STK11: variants seen among roughly 807,000 people sequenced by gnomAD.
STK11 encodes serine/threonine-protein kinase STK11.
In STK11, 8 loss-of-function variants were observed where a neutral mutation model predicts 47.3. The ratio of observed to expected loss-of-function variants is 0.17; its 90% CI spans 0.10 to 0.31. The LOEUF (loss-of-function observed/expected upper bound fraction) is 0.31. STK11 is among the 10% of genes least tolerant of loss of function. STK11 has a pLI of 1.00. For missense variants in STK11, 475 were observed against 605.0 expected (o/e 0.79, Z 2.25); for synonymous variants, 330 against 255.8 (o/e 1.29, Z -2.77).
At chr19:1,219,025 TG>T (rs957647136) in intron 2 of STK11, among the ~76,000 whole-genome samples, 26 of 151,980 alleles carry the variant, frequency 1.7e-4, no homozygotes, top group African/African-American at 6.0e-4. Flanking sequence ...CGAGCCTGCT[TG>T]GGGGGGCGTC....
At chr19:1,226,330 C>A in intron 8 of STK11, 124 bp from the exon 9 acceptor site, 1 of 1,494,060 alleles carries the variant, frequency 6.7e-7, no homozygotes. Context: ...CTGGGCCTGA[C>A]CCGGGGGCGG....
At chr19:1,224,887 T>C (rs760114206) in intron 8 of STK11, 167 of 985,570 alleles carry the variant, frequency 1.7e-4, no homozygotes, top group Middle Eastern at 5.2e-4. Context: ...CAGGCTCAAC[T>C]TCAGGCTTCA....
chr19:1,221,315 C>T lies in STK11; in HGVS notation c.837C>T (p.Gly279=), dbSNP rs373021819. 3 of 1,609,736 alleles carry T rather than the reference C, an allele frequency of 1.9e-6. No individual in the cohort carries two copies. The highest frequency in any genetic ancestry group is 4.5e-5 in the East Asian group (2 of 44,802). The change falls in exon 6 of 10, where the codon GGC becomes GGT. Residue 279 remains glycine (G), a synonymous_variant. Coordinates refer to ENST00000326873, the MANE Select transcript of STK11 (RefSeq NM_000455.5). The stretch of plus-strand genomic sequence containing the variant: ...GCTACGCCATCCCGGGCGACTGTGG[C>T]CCCCCGCTCTCTGACCTGCTGAAAG... ...KGSYAIPGDC[G]PPLSDLLKGM... is the part of the protein sequence containing the mutation.
At chr19:1,218,830 C>T (rs145534610) in intron 2 of STK11, among the ~76,000 whole-genome samples, 33 of 152,270 alleles carry the variant, frequency 2.2e-4, no homozygotes, top group South Asian at 1.0e-3. Flanking sequence ...CCATTTTGGT[C>T]GTGGCTGGGC....
chr19:1,220,673 C>G lies in STK11; in HGVS notation c.690C>G (p.Thr230=). The change falls in exon 5 of 10, where the codon ACC becomes ACG. Residue 230 remains threonine, a synonymous_variant. Coordinates refer to ENST00000326873, the MANE Select transcript of STK11 (RefSeq NM_000455.5). ...QPPEIANGLD[T]FSGFKVDIWS... ...CCGAGATTGCCAACGGCCTGGACAC[C>G]TTCTCCGGCTTCAAGGTGGACATCT... 1 of 1,610,964 alleles carries G rather than the reference C, an allele frequency of 6.2e-7. No individual in the cohort carries two copies. Among genetic ancestry groups the G allele is most frequent in the Non-Finnish European group, 8.5e-7 (1 of 1,179,178 alleles).
intron 8 of STK11, chr19:1,226,028 G>A (rs1028572366): frequency 4.2e-5 from 43 of 1,013,616 alleles, no homozygotes; most frequent in East Asian, 1.0e-4. Flanking sequence ...AGCCTGGCCC[G>A]AGCCTGGCCC....
chr19:1,215,639 G>C (rs2080739929), intron 1 of STK11, among the ~76,000 whole-genome samples: 1 of 152,246 alleles, frequency 6.6e-6, no homozygotes, highest in Non-Finnish European at 1.5e-5. Flanking sequence ...ATGAGCCCTG[G>C]GACTGGTGCA....
rs1286926215 is a variant in STK11 at position 1,228,136 on chromosome 19, G to C, written c.*560G>C. On this transcript the variant is annotated 3_prime_UTR_variant, in exon 10 of 10. Transcript: ENST00000326873. ...GGTGTTTGGGAGCTGCTGGGTGGCA[G>C]GGGGGCTGTGGGGTCGGGCTCACGT... The C allele has an allele frequency of 1.8e-5, 19 of 1,064,788 alleles. No individual in the cohort carries two copies. In the Admixed American group the frequency reaches 9.1e-4, roughly 51 times the overall value. 66.0% of individuals were successfully genotyped at this position (1,064,788 alleles called of 1,614,324 possible).
chr19:1,212,335 G>A (rs974089214), intron 1 of STK11, among the ~76,000 whole-genome samples: 2 of 138,660 alleles, frequency 1.4e-5, no homozygotes, highest in Admixed American at 7.8e-5. Flanking sequence ...CGAGGCTGGA[G>A]TGCAGTGGCG....
chr19:1,208,055 C>T (rs2080680869), intron 1 of STK11, among the ~76,000 whole-genome samples: 1 of 152,172 alleles, frequency 6.6e-6, no homozygotes, highest in African/African-American at 2.4e-5. Context: ...CTGCCCAGGC[C>T]CTGCTCCTTT....
rs1316364806 is a variant in STK11 at position 1,227,862 on chromosome 19, T to C, written c.*286T>C. The C allele has an allele frequency of 1.9e-6, 2 of 1,069,482 alleles. No homozygotes were observed. The highest frequency in any genetic ancestry group is 1.6e-5 in the African/African-American group (1 of 60,984). The allele number at this position is 1,069,482 out of a possible 1,614,324, so 66.2% of individuals were successfully genotyped here. On this transcript the variant is annotated 3_prime_UTR_variant, in exon 10 of 10. Coordinates refer to ENST00000326873, the MANE Select transcript of STK11 (RefSeq NM_000455.5). ...CGTGGGAGGAGGGAGGCGGCCTCCATGCACTTTATGTGGAGACTACTGGCC... is the reference window on the plus strand; with the variant it reads ...CGTGGGAGGAGGGAGGCGGCCTCCACGCACTTTATGTGGAGACTACTGGCC...
intron 1 of STK11, among the ~76,000 whole-genome samples, chr19:1,216,839 A>G (rs1203264645): frequency 3.3e-5 from 5 of 151,636 alleles, no homozygotes; most frequent in African/African-American, 1.2e-4. Flanking sequence ...TGTCTCAAAA[A>G]AAAAAAAAAA....
At chr19:1,225,685 G>T in intron 8 of STK11, 2 of 985,614 alleles carry the variant, frequency 2.0e-6, no homozygotes, top group South Asian at 4.7e-5. Flanking sequence ...TCTGCACTGG[G>T]CACATGAGCT....
rs1232018113 is a variant in STK11 at position 1,206,537 on chromosome 19, C to G, written c.-377C>G. The G allele has an allele frequency of 3.1e-6, 1 of 318,042 alleles. No individual in the cohort carries two copies. Among genetic ancestry groups the G allele is most frequent in the African/African-American group, 2.1e-5 (1 of 47,442 alleles). The allele number at this position is 318,042 out of a possible 1,614,324, so 19.7% of individuals were successfully genotyped here. ...TACTTGTCCGTGGGCCTGAGGTCCC[C>G]GGAGGATGACCTAGCACTGAAAAGC... On this transcript the variant is annotated 5_prime_UTR_variant, in exon 1 of 10. Coordinates refer to ENST00000326873, the MANE Select transcript of STK11 (RefSeq NM_000455.5).
In STK11 at chr19:1,227,889, C is replaced by T. The variant is rs759351935; in HGVS notation, c.*313C>T. The T allele has an allele frequency of 5.0e-5, 53 of 1,069,400 alleles. No homozygotes were observed. Among genetic ancestry groups the T allele is most frequent in the East Asian group, 2.4e-4 (5 of 20,664 alleles). 66.2% of individuals were successfully genotyped at this position (1,069,400 alleles called of 1,614,324 possible). A position where few individuals can be genotyped will look rare whatever the true frequency, so the allele number is the denominator to read the frequency against. ...CACTTTATGTGGAGACTACTGGCCC[C>T]GCCCGTGGCCTCGTGCTCCGCAGGG... On this transcript the variant is annotated 3_prime_UTR_variant, in exon 10 of 10. Coordinates refer to ENST00000326873, the MANE Select transcript of STK11 (RefSeq NM_000455.5).
chr19:1,216,540 A>G lies in STK11; in HGVS notation c.291-1877A>G, dbSNP rs1386220228. ...GGTTGCAGTGAGCTGAGATCATGCC[A>G]TTGCACTCTGGCCTGGCGACAGAGT... On this transcript the variant is annotated intron_variant, in intron 1 of 9. Coordinates refer to ENST00000326873, the MANE Select transcript of STK11 (RefSeq NM_000455.5). 4 of 150,620 alleles carry G rather than the reference A, an allele frequency of 2.7e-5. No individual in the cohort carries two copies. In the East Asian group the frequency reaches 7.6e-4, roughly 29 times the overall value. The allele number at this position is 150,620 out of a possible 1,614,324, so 9.3% of individuals were successfully genotyped here.
chr19:1,219,736 G>A (rs1023341614), intron 3 of STK11, among the ~76,000 whole-genome samples: 4 of 151,986 alleles, frequency 2.6e-5, no homozygotes, highest in Admixed American at 6.5e-5. Context: ...TAGTAGAGAC[G>A]GGGTTTCACC....
chr19:1,207,217 G>T lies in STK11; in HGVS notation c.290+14G>T. ...CAACGTGAAGAAGTAAGTATGGCTT[G>T]CTGGGGTCGGGGCCGGGCCGGGCCA... is the stretch of plus-strand genomic sequence containing the variant. On this transcript the variant is annotated intron_variant, in intron 1 of 9. Transcript: ENST00000326873. 6.3e-7 allele frequency: 1 copy of T among 1,588,096 alleles called. No individual in the cohort carries two copies. Among genetic ancestry groups the T allele is most frequent in the Non-Finnish European group, 8.6e-7 (1 of 1,167,460 alleles).
At chr19:1,227,386 T>G in intron 9 of STK11, 2 of 352,656 alleles carry the variant, frequency 5.7e-6, no homozygotes, top group Non-Finnish European at 8.5e-6. Flanking sequence ...TCCACCAGCG[T>G]CAGAGCCCGC....
Sources: gnomAD v4.1 joint callset for allele counts (sites outside exome capture counted in the v4.1 genomes callset) on GRCh38, gnomAD v4.1.1 for gene constraint, MANE v1.5 for transcripts, NCBI Gene and HGNC (gene_info 2026-07-23, HGNC 2026-07-21) for gene names.